RALYL: variants seen among roughly 807,000 people sequenced by gnomAD.
RALYL encodes RNA-binding Raly-like protein.
Under a neutral mutation model 35.1 loss-of-function variants are expected in RALYL, and 29 were observed. The observed-to-expected ratio is 0.83, with a 90% confidence interval of 0.61 to 1.13. The LOEUF is 1.13. Ranked by LOEUF, RALYL falls within the 50% of genes most tolerant of loss-of-function variation. The pLI is 0.00. For synonymous variants in RALYL, 120 were observed against 127.6 expected, an observed-to-expected ratio of 0.94 and a Z score of 0.40; for missense variants, 359 against 360.4, an observed-to-expected ratio of 1.00 and a Z score of 0.03.
At position 84,739,280 on chromosome 8, in the gene RALYL, C is replaced by T. The variant is rs537070351; in HGVS notation, c.257-35299C>T. On this transcript the variant is annotated intron_variant, in intron 2 of 8. Transcript: ENST00000521268. ...GTTCATAAACAATTATCAAATACTT[C>T]ACATCGTATAATCACTGGAAAGAGA... Among the ~76,000 whole-genome samples, 10 of 151,848 alleles carry T rather than the reference C, an allele frequency of 6.6e-5. No individual in the cohort carries two copies. In the East Asian group the frequency reaches 1.5e-3, roughly 23 times the overall value.
At chr8:84,733,090 G>A (rs981213960) in intron 2 of RALYL, among the ~76,000 whole-genome samples, 4 of 152,086 alleles carry the variant, frequency 2.6e-5, no homozygotes, top group African/African-American at 4.8e-5. Flanking sequence ...CATAGTGACC[G>A]ATAAAAGTGG....
At chr8:84,193,414 A>C (rs1257999070) in intron 1 of RALYL, among the ~76,000 whole-genome samples, 1 of 152,208 alleles carries the variant, frequency 6.6e-6, no homozygotes, top group Non-Finnish European at 1.5e-5. Flanking sequence ...GTTACGTCTC[A>C]GAAGAGGAAG....
chr8:84,302,046 C>CT (rs1404644373), intron 1 of RALYL, among the ~76,000 whole-genome samples: 1 of 152,072 alleles, frequency 6.6e-6, no homozygotes, highest in Non-Finnish European at 1.5e-5. Context: ...ATCATTTAGC[C>CT]TTTTGGAGTA....
chr8:84,439,099 A>AT (rs549296421), intron 1 of RALYL, among the ~76,000 whole-genome samples: 44 of 150,144 alleles, frequency 2.9e-4, no homozygotes, highest in South Asian at 8.5e-4. Context: ...TTAATTTTAG[A>AT]TTTTTTTTTT....
At chr8:84,210,253 T>A (rs2131151060) in intron 1 of RALYL, among the ~76,000 whole-genome samples, 1 of 152,244 alleles carries the variant, frequency 6.6e-6, no homozygotes, top group East Asian at 1.9e-4. Flanking sequence ...TATTCTTAAT[T>A]ACTTTTCAAA....
At chr8:84,710,791 G>A (rs916563911) in intron 2 of RALYL, among the ~76,000 whole-genome samples, 17 of 151,960 alleles carry the variant, frequency 1.1e-4, no homozygotes, top group Non-Finnish European at 2.1e-4. Context: ...GAAGTTTATC[G>A]ACTTAAATAT....
chr8:84,622,285 A>G (rs1399730130), intron 2 of RALYL, among the ~76,000 whole-genome samples: 1 of 152,184 alleles, frequency 6.6e-6, no homozygotes, highest in Non-Finnish European at 1.5e-5. Context: ...TTCAGCATGA[A>G]GGGCTTGTTA....
rs962562289 is a variant in RALYL at position 84,353,444 on chromosome 8, A to C, written c.-24+169020A>C. Among the ~76,000 whole-genome samples the C allele has an allele frequency of 4.7e-5, 7 of 150,384 alleles. No individual in the cohort carries two copies. In the East Asian group the frequency reaches 1.4e-3, roughly 29 times the overall value. ...ATTCCCAGTGCATCTCTTCTTTTACACTATTTTCAATCACAAGACTATAAC... is the reference window on the plus strand; with the variant it reads ...ATTCCCAGTGCATCTCTTCTTTTACCCTATTTTCAATCACAAGACTATAAC... On this transcript the variant is annotated intron_variant, in intron 1 of 8. Coordinates refer to ENST00000521268, the MANE Select transcript of RALYL (RefSeq NM_173848.7).
At chr8:84,680,836 C>T (rs1471693655) in intron 2 of RALYL, among the ~76,000 whole-genome samples, 1 of 152,004 alleles carries the variant, frequency 6.6e-6, no homozygotes, top group East Asian at 1.9e-4. Flanking sequence ...TTTTGCTGTG[C>T]AGAAGCTCTT....
intron 2 of RALYL, among the ~76,000 whole-genome samples, chr8:84,628,683 G>A (rs1286405608): frequency 6.6e-6 from 1 of 152,034 alleles, no homozygotes; most frequent in Admixed American, 6.6e-5. Context: ...GACCATCACG[G>A]TAGGGTGCTG....
chr8:84,497,621 T>G (rs916234104), intron 1 of RALYL, among the ~76,000 whole-genome samples: 4 of 150,350 alleles, frequency 2.7e-5, no homozygotes, highest in African/African-American at 4.9e-5. Flanking sequence ...AGGTTTTGTT[T>G]TTTTTGTTGT....
chr8:84,366,909 C>G (rs867464008), intron 1 of RALYL, among the ~76,000 whole-genome samples: 1 of 150,878 alleles, frequency 6.6e-6, no homozygotes, highest in East Asian at 1.9e-4. Context: ...ACAACAGTGG[C>G]AAAGGATTAA....
chr8:84,534,559 T>C (rs1388227529), intron 2 of RALYL, among the ~76,000 whole-genome samples: 1 of 152,208 alleles, frequency 6.6e-6, no homozygotes, highest in African/African-American at 2.4e-5. Flanking sequence ...AACACTTCCA[T>C]GGCAAATGCT....
chr8:84,276,437 CA>C (rs1835388974), intron 1 of RALYL, among the ~76,000 whole-genome samples: 1 of 152,136 alleles, frequency 6.6e-6, no homozygotes, highest in African/African-American at 2.4e-5. Context: ...TTGCATTTTA[CA>C]AAACATTTTC....
chr8:84,452,260 A>G (rs2049571263), intron 1 of RALYL, among the ~76,000 whole-genome samples: 1 of 150,516 alleles, frequency 6.6e-6, no homozygotes, highest in Non-Finnish European at 1.5e-5. Flanking sequence ...CTAAGTTGCT[A>G]ACTAGAGCTC....
chr8:84,393,054 T>C (rs1200003042), intron 1 of RALYL, among the ~76,000 whole-genome samples: 1 of 152,076 alleles, frequency 6.6e-6, no homozygotes, highest in Non-Finnish European at 1.5e-5. Flanking sequence ...CATTGCTATG[T>C]AACAAATTAC....
chr8:84,454,309 T>C (rs942250809), intron 1 of RALYL, among the ~76,000 whole-genome samples: 1 of 151,902 alleles, frequency 6.6e-6, no homozygotes, highest in African/African-American at 2.4e-5. Flanking sequence ...GCTCTGTGTT[T>C]GTTTGAGGAG....
chr8:84,884,960 A>G (rs1354596477), intron 7 of RALYL, among the ~76,000 whole-genome samples: 1 of 152,038 alleles, frequency 6.6e-6, no homozygotes, highest in Non-Finnish European at 1.5e-5. Flanking sequence ...TGGGGGGCCA[A>G]AACCAGAGTA....
intron 3 of RALYL, among the ~76,000 whole-genome samples, chr8:84,802,229 A>G (rs1395526599): frequency 1.3e-5 from 2 of 152,198 alleles, no homozygotes; most frequent in African/African-American, 2.4e-5. Context: ...ATGAATTTTC[A>G]TGTGTCACAA....
Sources: allele counts gnomAD v4.1 joint callset (sites outside exome capture counted in the v4.1 genomes callset), GRCh38; gene constraint gnomAD v4.1.1; transcripts MANE v1.5; gene names NCBI Gene and HGNC (gene_info 2026-07-23, HGNC 2026-07-21).